Variants in TRAF5 observed in about 807,000 individuals in gnomAD.
The protein encoded by TRAF5 is TNF receptor associated factor 5.
In TRAF5, 48 loss-of-function variants were observed where a neutral mutation model predicts 64.5. That is an observed-to-expected ratio of 0.74 (90% CI 0.59 to 0.95). TRAF5 has a LOEUF of 0.95. Ranked by LOEUF, TRAF5 falls within the 40% of genes least tolerant of loss-of-function variation. The pLI, the probability that TRAF5 is intolerant of heterozygous loss-of-function variation, is 0.00. For synonymous variants in TRAF5, 206 were observed against 240.5 expected, an observed-to-expected ratio of 0.86 and a Z score of 1.33; for missense variants, 545 against 662.8, an observed-to-expected ratio of 0.82 and a Z score of 1.95.
intron 8 of TRAF5, among the ~76,000 whole-genome samples, chr1:211,367,144 G>T (rs1482906114): frequency 6.6e-6 from 1 of 152,118 alleles, no homozygotes; most frequent in Non-Finnish European, 1.5e-5. Context: ...ACCACACTCG[G>T]CTAATTTTTG....
intron 1 of TRAF5, among the ~76,000 whole-genome samples, chr1:211,334,653 G>A (rs187028853): frequency 2.0e-5 from 3 of 152,224 alleles, no homozygotes; most frequent in African/African-American, 4.8e-5. Flanking sequence ...GTGAGACCCC[G>A]TCTCAAAACA....
chr1:211,358,579 A>G (rs1703061769), intron 4 of TRAF5: 2 of 150,958 alleles, frequency 1.3e-5, no homozygotes, highest in Middle Eastern at 3.4e-3. Context: ...TGTGGTGCAC[A>G]CCTGTAATCC....
At chr1:211,339,033 C>T (rs1439450834) in intron 1 of TRAF5, among the ~76,000 whole-genome samples, 2 of 152,172 alleles carry the variant, frequency 1.3e-5, no homozygotes, top group Non-Finnish European at 2.9e-5. Context: ...GTGTTGGCTG[C>T]AATGGGGTAC....
chr1:211,352,441 T>TAAAAA (rs35728825), intron 1 of TRAF5, among the ~76,000 whole-genome samples: 2 of 76,128 alleles, frequency 2.6e-5, no homozygotes, highest in Non-Finnish European at 5.0e-5. Context: ...TCACTGTCTC[T>TAAAAA]AAAAAAAAAA....
chr1:211,333,584 G>T (rs574096907), intron 1 of TRAF5, among the ~76,000 whole-genome samples: 1 of 152,082 alleles, frequency 6.6e-6, no homozygotes, highest in African/African-American at 2.4e-5. Flanking sequence ...TGCAACCTCC[G>T]CCTCCTGGGT....
At position 211,360,083 on chromosome 1, in the gene TRAF5, A is replaced by G; in HGVS notation, c.543+7A>G. The G allele has an allele frequency of 6.2e-7, 1 of 1,613,676 alleles. No homozygotes were observed. Among genetic ancestry groups the G allele is most frequent in the Non-Finnish European group, 8.5e-7 (1 of 1,179,708 alleles). ...GGTAGTCATCAATCTACAGGTGAAA[A>G]ACAACACATACAACAGTCATCTTTA... On this transcript the variant is annotated splice_region_variant and intron_variant, in intron 5 of 10. Coordinates refer to ENST00000261464, the MANE Select transcript of TRAF5 (RefSeq NM_001033910.3).
At chr1:211,353,725 T>G in intron 2 of TRAF5, 1 of 473,036 alleles carries the variant, frequency 2.1e-6, no homozygotes, top group Admixed American at 3.3e-5. Flanking sequence ...CACTCCATCA[T>G]GGGAGCTGGC....
At chr1:211,338,409 GGGACA>G (rs1006440969) in intron 1 of TRAF5, among the ~76,000 whole-genome samples, 34 of 152,188 alleles carry the variant, frequency 2.2e-4, no homozygotes, top group African/African-American at 8.2e-4. Flanking sequence ...AAACTTCCTG[GGGACA>G]GGAGCTGTCT....
intron 9 of TRAF5, 108 bp from the exon 10 acceptor site, chr1:211,371,194 T>G: frequency 9.7e-7 from 1 of 1,031,886 alleles, no homozygotes; most frequent in Non-Finnish European, 1.4e-6. Context: ...TTTCATTCTG[T>G]TAATTGATTA....
intron 1 of TRAF5, among the ~76,000 whole-genome samples, chr1:211,345,045 A>G (rs751858979): frequency 7.2e-5 from 11 of 152,154 alleles, no homozygotes; most frequent in Non-Finnish European, 1.6e-4. Flanking sequence ...TAGCCTCCCA[A>G]GTAGCTGGGA....
chr1:211,328,913 A>G (rs1702089205), intron 1 of TRAF5, among the ~76,000 whole-genome samples: 1 of 152,152 alleles, frequency 6.6e-6, no homozygotes, highest in Admixed American at 6.5e-5. Flanking sequence ...GAGGCGGTAA[A>G]TAGCTCCCTG....
Position 211,372,596 on chromosome 1 carries a change from G to T in TRAF5, c.1568G>T (p.Arg523Leu), listed in dbSNP as rs758189643. ...GEMNIASGCPRFVAHSVLENA... is the reference protein window; with the variant it reads ...GEMNIASGCPLFVAHSVLENA... ...ATGAACATTGCATCTGGCTGTCCCC[G>T]CTTTGTGGCTCATTCTGTTTTGGAG... The change falls in exon 11 of 11, where the codon CGC (arginine) becomes CTC (leucine). Residue 523 changes from arginine to leucine, a missense_variant. By Grantham distance (102) the Arg-to-Leu change is moderately radical (BLOSUM62 -2). Coordinates refer to ENST00000261464, the MANE Select transcript of TRAF5 (RefSeq NM_001033910.3). 1 of 1,614,150 alleles carries T rather than the reference G, an allele frequency of 6.2e-7. No homozygotes were observed. Among genetic ancestry groups the T allele is most frequent in the Admixed American group, 1.7e-5 (1 of 60,006 alleles).
intron 1 of TRAF5, among the ~76,000 whole-genome samples, chr1:211,332,422 G>A (rs144237121): frequency 0.016 from 2,384 of 152,212 alleles, 24 homozygotes; most frequent in Middle Eastern, 0.071. Flanking sequence ...GAACAGCCAG[G>A]CTGTGTTCTA....
intron 1 of TRAF5, among the ~76,000 whole-genome samples, chr1:211,349,989 C>T (rs1298666685): frequency 1.2e-5 from 1 of 85,492 alleles, no homozygotes; most frequent in East Asian, 3.5e-4. Context: ...TCTTCCAGTT[C>T]TCTGAGAGAA....
chr1:211,328,890 A>G (rs977422211), intron 1 of TRAF5, among the ~76,000 whole-genome samples: 9 of 152,164 alleles, frequency 5.9e-5, no homozygotes, highest in African/African-American at 2.2e-4. Flanking sequence ...TCAGATTGTG[A>G]GGGTGAAGCA....
In TRAF5 at chr1:211,345,828, TC is replaced by T. The variant is rs756459679; in HGVS notation, c.-1-7410del. ...TGAGATGCTGCCCAGCACCCAGGGA[TC>T]GGGGAGAGATCCCCTGGCTTGCCCC... On this transcript the variant is annotated intron_variant, in intron 1 of 10. Coordinates refer to ENST00000261464, the MANE Select transcript of TRAF5 (RefSeq NM_001033910.3). 1.1e-4 allele frequency among the ~76,000 whole-genome samples: 16 copies of T among 152,252 alleles called. No individual in the cohort carries two copies. In the East Asian group the frequency reaches 2.1e-3, roughly 20 times the overall value.
Position 211,360,709 on chromosome 1 carries a change from A to T in TRAF5, c.551A>T (p.Glu184Val). The T allele has an allele frequency of 6.2e-7, 1 of 1,613,760 alleles. No homozygotes were observed. The highest frequency in any genetic ancestry group is 8.5e-7 in the Non-Finnish European group (1 of 1,179,690). Residue 184 changes from glutamate to valine, a missense_variant, in exon 6 of 11, where the codon GAG (glutamate) becomes GTG (valine). Transcript: ENST00000261464. ...DVVVINLQNH[E>V]ENLCPEYPVF... ...GCACTTTCTCTATTTCAGAATCATG[A>T]GGAAAACTTGTGTCCTGAATACCCA...
intron 2 of TRAF5, 105 bp downstream of exon 2, chr1:211,353,562 C>A: frequency 8.9e-7 from 1 of 1,129,772 alleles, no homozygotes; most frequent in Non-Finnish European, 1.3e-6. Context: ...TTTTACTTGG[C>A]CACAGAACCA....
At chr1:211,369,665 T>A in intron 9 of TRAF5, 73 bp downstream of exon 9, 1 of 1,383,510 alleles carries the variant, frequency 7.2e-7, no homozygotes, top group East Asian at 2.5e-5. Flanking sequence ...TTTTAACTTC[T>A]TAAATAGAAA....
Sources: gnomAD v4.1 joint callset for allele counts (sites outside exome capture counted in the v4.1 genomes callset) on GRCh38, gnomAD v4.1.1 for gene constraint, MANE v1.5 for transcripts, NCBI Gene and HGNC (gene_info 2026-07-23, HGNC 2026-07-21) for gene names.